The following ARHGAP15 variants were observed in gnomAD, a reference collection of about 807,000 sequenced individuals.
ARHGAP15 encodes the protein rho GTPase-activating protein 15.
ARHGAP15 carries 51 observed loss-of-function variants against 63.7 expected under a neutral mutation model. The ratio of observed to expected loss-of-function variants is 0.80; its 90% CI spans 0.64 to 1.01. The LOEUF (loss-of-function observed/expected upper bound fraction) is 1.01. Among genes scored for constraint, ARHGAP15 ranks in the 50% least tolerant of loss-of-function variants. The pLI is 0.00. For missense variants in ARHGAP15, 560 were observed against 564.6 expected, an observed-to-expected ratio of 0.99 and a Z score of 0.08; for synonymous variants, 191 against 193.8, an observed-to-expected ratio of 0.99 and a Z score of 0.12.
intron 13 of ARHGAP15, among the ~76,000 whole-genome samples, chr2:143,764,780 T>C (rs1441379357): frequency 6.6e-6 from 1 of 152,190 alleles, no homozygotes; most frequent in East Asian, 1.9e-4. Flanking sequence ...CAACTAAAAC[T>C]ATAGCCATAA....
At chr2:143,261,087 T>C (rs1008595872) in intron 6 of ARHGAP15, among the ~76,000 whole-genome samples, 2 of 152,192 alleles carry the variant, frequency 1.3e-5, no homozygotes, top group African/African-American at 4.8e-5. Flanking sequence ...CCCTAGGTTT[T>C]AGTCATAAGT....
chr2:143,495,795 A>AAT (rs1692789465), intron 9 of ARHGAP15, among the ~76,000 whole-genome samples: 1 of 152,140 alleles, frequency 6.6e-6, no homozygotes, highest in South Asian at 2.1e-4. Flanking sequence ...ATTTAAGCAA[A>AAT]ATATATATGA....
chr2:143,256,967 A>G (rs1488230037), intron 6 of ARHGAP15, among the ~76,000 whole-genome samples: 2 of 152,140 alleles, frequency 1.3e-5, no homozygotes, highest in South Asian at 2.1e-4. Context: ...GAACATGCCT[A>G]TTGGTTCAGA....
intron 12 of ARHGAP15, among the ~76,000 whole-genome samples, chr2:143,660,149 C>T (rs1347637114): frequency 6.6e-6 from 1 of 152,190 alleles, no homozygotes; most frequent in Non-Finnish European, 1.5e-5. Flanking sequence ...CATGCTAACT[C>T]TTCCACTCAA....
At chr2:143,371,624 T>C (rs1686559121) in intron 6 of ARHGAP15, among the ~76,000 whole-genome samples, 1 of 152,214 alleles carries the variant, frequency 6.6e-6, no homozygotes, top group African/African-American at 2.4e-5. Context: ...AGCTAAGTGC[T>C]CCAATTTTCT....
intron 13 of ARHGAP15, among the ~76,000 whole-genome samples, chr2:143,723,724 G>T (rs558031305): frequency 6.6e-6 from 1 of 152,298 alleles, no homozygotes; most frequent in African/African-American, 2.4e-5. Context: ...TTAAAAGGGG[G>T]AGTCAGTTAC....
intron 13 of ARHGAP15, among the ~76,000 whole-genome samples, chr2:143,750,669 C>T (rs187858501): frequency 1.3e-5 from 2 of 152,224 alleles, no homozygotes; most frequent in East Asian, 3.9e-4. Context: ...TCTTTCCCTC[C>T]AGTTAGAAGA....
intron 6 of ARHGAP15, among the ~76,000 whole-genome samples, chr2:143,413,964 T>TGCGCGCAC (rs1263567075): frequency 1.0e-4 from 7 of 67,028 alleles, no homozygotes; most frequent in South Asian, 5.7e-4. Flanking sequence ...TGTGTGTGTG[T>TGCGCGCAC]GTGCGCGCTC....
Position 143,228,667 on chromosome 2 carries a change from TG to T in ARHGAP15, c.384+1del. 6.4e-7 allele frequency: 1 copy of T among 1,553,788 alleles called. No homozygotes were observed. The highest frequency in any genetic ancestry group is 1.4e-5 in the African/African-American group (1 of 72,590). Reference sequence around the variant, plus strand: ...TCCAAGCAACAGGCTCTGTCCAATATGGTAAGTAATTCTCTGTTTCTATTGT... The same window carrying T: ...TCCAAGCAACAGGCTCTGTCCAATATGTAAGTAATTCTCTGTTTCTATTGT... ...KESKQQALSN[M>X]KTGHKPESVD... is the part of the protein sequence containing the mutation. On this transcript the variant is annotated frameshift_variant and splice_region_variant, in exon 5 of 14. Coordinates refer to ENST00000295095, the MANE Select transcript of ARHGAP15 (RefSeq NM_018460.4). LOFTEE classifies it high-confidence loss of function.
chr2:143,421,880 A>AGT (rs1688939325), intron 6 of ARHGAP15, among the ~76,000 whole-genome samples: 1 of 151,290 alleles, frequency 6.6e-6, no homozygotes, highest in Admixed American at 6.6e-5. Context: ...AAAGAGAGAG[A>AGT]GTGTGAGAGA....
chr2:143,529,702 C>T (rs1694439078), intron 10 of ARHGAP15, among the ~76,000 whole-genome samples: 1 of 152,140 alleles, frequency 6.6e-6, no homozygotes, highest in South Asian at 2.1e-4. Flanking sequence ...TTTTATCCAT[C>T]TGCCAAATTC....
intron 10 of ARHGAP15, among the ~76,000 whole-genome samples, chr2:143,541,727 T>C (rs556969925): frequency 3.3e-4 from 51 of 152,330 alleles, no homozygotes; most frequent in Non-Finnish European, 5.4e-4. Flanking sequence ...TGCCTGATCG[T>C]TCCTCTGGAA....
In ARHGAP15 at chr2:143,714,017, A is replaced by G. The variant is rs188516973; in HGVS notation, c.1244+10493A>G. Among the ~76,000 whole-genome samples the G allele has an allele frequency of 2.9e-3, 441 of 152,210 alleles. 3 individuals carry two copies. The highest frequency in any genetic ancestry group is 0.014 in the Middle Eastern group (4 of 294). ...GGTGGCCCTCTTTTCTCATAGCTCT[A>G]CTAGGCAGTGCCCCAGAAGGGACTC... On this transcript the variant is annotated intron_variant, in intron 13 of 13. Transcript: ENST00000295095.
At chr2:143,751,251 A>T (rs2105526609) in intron 13 of ARHGAP15, among the ~76,000 whole-genome samples, 1 of 152,278 alleles carries the variant, frequency 6.6e-6, no homozygotes, top group African/African-American at 2.4e-5. Context: ...CTTGGCCTTG[A>T]TACACTCACT....
At chr2:143,296,529 A>G (rs1433891514) in intron 6 of ARHGAP15, among the ~76,000 whole-genome samples, 1 of 152,030 alleles carries the variant, frequency 6.6e-6, no homozygotes, top group African/African-American at 2.4e-5. Flanking sequence ...CCGGTAAGGT[A>G]GTTTCTCAGA....
At chr2:143,240,346 G>A (rs1049918675) in intron 5 of ARHGAP15, among the ~76,000 whole-genome samples, 3 of 152,052 alleles carry the variant, frequency 2.0e-5, no homozygotes, top group Non-Finnish European at 4.4e-5. Flanking sequence ...CTTATTTATG[G>A]AAGGAAAATG....
chr2:143,262,535 A>ATTTTTTTCTTTTTTTTTTTTTT (rs1680774859), intron 6 of ARHGAP15, among the ~76,000 whole-genome samples: 1 of 90,924 alleles, frequency 1.1e-5, no homozygotes, highest in Non-Finnish European at 2.1e-5. Flanking sequence ...TGAACCTTTG[A>ATTTTTTTCTTTTTTTTTTTTTT]TTTTTTTTTT....
chr2:143,188,541 C>T (rs987961192), intron 2 of ARHGAP15, among the ~76,000 whole-genome samples: 6 of 151,448 alleles, frequency 4.0e-5, no homozygotes, highest in South Asian at 2.1e-4. Flanking sequence ...TGGCCTAACA[C>T]GCAGTGCAGA....
At chr2:143,222,972 C>A (rs1693057893) in intron 4 of ARHGAP15, among the ~76,000 whole-genome samples, 1 of 151,862 alleles carries the variant, frequency 6.6e-6, no homozygotes, top group Non-Finnish European at 1.5e-5. Context: ...ACCTGCATTT[C>A]TTTTTTTGTT....
Sources: gnomAD v4.1 joint callset for allele counts (sites outside exome capture counted in the v4.1 genomes callset) on GRCh38, gnomAD v4.1.1 for gene constraint, MANE v1.5 for transcripts, NCBI Gene and HGNC (gene_info 2026-07-23, HGNC 2026-07-21) for gene names.